The following WDPCP variants were observed in gnomAD, a reference collection of about 807,000 sequenced individuals.
WDPCP encodes WD repeat containing planar cell polarity effector, also known as WD repeat-containing and planar cell polarity effector protein fritz homolog.
In WDPCP, 71 loss-of-function variants were observed where a neutral mutation model predicts 93.1. That is an observed-to-expected ratio of 0.76 (90% confidence interval 0.63 to 0.93). WDPCP has a LOEUF of 0.93. Among genes scored for constraint, WDPCP ranks in the 40% least tolerant of loss-of-function variants. The pLI is 0.00. For synonymous variants in WDPCP, 315 were observed against 315.0 expected, an observed-to-expected ratio of 1.00 and a Z score of 0.00; for missense variants, 844 against 887.4, an observed-to-expected ratio of 0.95 and a Z score of 0.62.
At chr2:63,320,930 A>G (rs1398790527) in intron 12 of WDPCP, among the ~76,000 whole-genome samples, 6 of 152,138 alleles carry the variant, frequency 3.9e-5, no homozygotes, top group Non-Finnish European at 8.8e-5. Flanking sequence ...GCTGTTTGTA[A>G]GAAGTCCACT....
At chr2:63,563,447 T>C (rs1706783577) in intron 1 of WDPCP, among the ~76,000 whole-genome samples, 4 of 151,860 alleles carry the variant, frequency 2.6e-5, no homozygotes, top group Admixed American at 1.3e-4. Context: ...AAAAAGCCAA[T>C]AGACACATAA....
chr2:63,406,676 T>C (rs970468570), intron 9 of WDPCP, among the ~76,000 whole-genome samples: 4 of 152,218 alleles, frequency 2.6e-5, no homozygotes, highest in African/African-American at 9.6e-5. Flanking sequence ...GAAGAATTGA[T>C]AGTCATATAG....
chr2:63,387,570 G>A (rs1692845289), intron 10 of WDPCP, among the ~76,000 whole-genome samples: 1 of 152,156 alleles, frequency 6.6e-6, no homozygotes, highest in South Asian at 2.1e-4. Flanking sequence ...ACTGGAACAA[G>A]ACAAGGATGC....
intron 17 of WDPCP, among the ~76,000 whole-genome samples, chr2:63,148,722 A>C (rs1483908741): frequency 2.0e-5 from 3 of 152,184 alleles, no homozygotes; most frequent in African/African-American, 7.2e-5. Context: ...CAGAGAAAAC[A>C]GAAGAAATGG....
chr2:63,452,127 A>C (rs1279877830), intron 6 of WDPCP, among the ~76,000 whole-genome samples: 4 of 152,308 alleles, frequency 2.6e-5, no homozygotes, highest in Middle Eastern at 3.4e-3. Context: ...AAGGATATTC[A>C]ATTAGGAAAA....
At chr2:63,772,012 G>A (rs1377964100) in intron 2 of WDPCP, among the ~76,000 whole-genome samples, 2 of 151,958 alleles carry the variant, frequency 1.3e-5, no homozygotes, top group African/African-American at 4.8e-5. Flanking sequence ...GAACATATGA[G>A]TGCATGTGTC....
chr2:63,488,545 A>G (rs1351537710), intron 2 of WDPCP, among the ~76,000 whole-genome samples: 2 of 152,044 alleles, frequency 1.3e-5, no homozygotes, highest in Non-Finnish European at 2.9e-5. Flanking sequence ...GCGAAAAATC[A>G]TGAGTAGGAC....
chr2:63,159,128 C>T (rs1417609782), intron 15 of WDPCP, among the ~76,000 whole-genome samples: 1 of 151,046 alleles, frequency 6.6e-6, no homozygotes, highest in Non-Finnish European at 1.5e-5. Flanking sequence ...TGCAATCTAG[C>T]CTGTGAGACA....
At chr2:63,345,172 C>T (rs1689106887) in intron 12 of WDPCP, among the ~76,000 whole-genome samples, 1 of 152,178 alleles carries the variant, frequency 6.6e-6, no homozygotes, top group African/African-American at 2.4e-5. Flanking sequence ...TATACATCTC[C>T]AATTTCCTAT....
chr2:63,721,656 C>G (rs1261820415), intron 2 of WDPCP, among the ~76,000 whole-genome samples: 1 of 152,054 alleles, frequency 6.6e-6, no homozygotes, highest in Non-Finnish European at 1.5e-5. Flanking sequence ...TCTGGGCCTT[C>G]CAGCAAGCCA....
At chr2:63,505,396 A>G (rs1452857907) in intron 1 of WDPCP, among the ~76,000 whole-genome samples, 3 of 152,072 alleles carry the variant, frequency 2.0e-5, no homozygotes, top group South Asian at 2.1e-4. Flanking sequence ...GCCGTACTAT[A>G]TTTAACACAG....
At chr2:63,603,807 GC>G (rs1452429771) in intron 3 of WDPCP, among the ~76,000 whole-genome samples, 2 of 152,032 alleles carry the variant, frequency 1.3e-5, no homozygotes, top group African/African-American at 4.8e-5. Context: ...ACAGACATGT[GC>G]CACCAAGCCC....
intron 10 of WDPCP, 42 bp downstream of exon 10, chr2:63,404,006 T>TA (rs778149649): frequency 6.2e-7 from 1 of 1,612,438 alleles, no homozygotes; most frequent in Admixed American, 1.7e-5. Context: ...GTCACTATCC[T>TA]AAACATTTTA....
chr2:63,826,320 T>A (rs1671113354), intron 1 of WDPCP, among the ~76,000 whole-genome samples: 1 of 151,502 alleles, frequency 6.6e-6, no homozygotes, highest in Non-Finnish European at 1.5e-5. Flanking sequence ...AAAAGGCCAC[T>A]CTGCCTCGCT....
chr2:63,329,731 A>G (rs1311769371), intron 12 of WDPCP, among the ~76,000 whole-genome samples: 4 of 152,064 alleles, frequency 2.6e-5, no homozygotes, highest in Non-Finnish European at 5.9e-5. Context: ...TTTGCCTAAC[A>G]TCTCTTCTTT....
intron 1 of WDPCP, among the ~76,000 whole-genome samples, chr2:63,522,304 C>T (rs1702992003): frequency 6.6e-6 from 1 of 151,634 alleles, no homozygotes; most frequent in African/African-American, 2.4e-5. Context: ...ACACCCACAT[C>T]AAAAAGTTAA....
intron 3 of WDPCP, among the ~76,000 whole-genome samples, chr2:63,608,276 A>G (rs1385603779): frequency 3.3e-5 from 5 of 152,184 alleles, no homozygotes; most frequent in Non-Finnish European, 7.4e-5. Flanking sequence ...ACTAAATACC[A>G]CAGAAGTTTA....
rs553530881 is a variant in WDPCP at position 63,153,507 on chromosome 2, A to C, written c.2146T>G (p.Cys716Gly). The change falls in exon 16 of 18, where the codon TGT (cysteine) becomes GGT (glycine). Residue 716 changes from cysteine (C) to glycine (G), a missense_variant. Transcript: ENST00000272321. ...TGAATACCATTACCTTCTGCATTAC[A>C]GGTATTAGTCATCAAAAATCCAGAA... ...ICSGFLMTNT[C>G]NAEDGELRED... 1 of 1,611,820 alleles carries C rather than the reference A, an allele frequency of 6.2e-7. No individual in the cohort carries two copies. The highest frequency in any genetic ancestry group is 1.3e-5 in the African/African-American group (1 of 74,976).
intron 3 of WDPCP, chr2:63,643,397 G>A (rs1710006748): frequency 6.0e-6 from 2 of 334,830 alleles, no homozygotes; most frequent in Non-Finnish European, 1.2e-5. Flanking sequence ...TTGGAAAGGT[G>A]GGTGACAAAT....
Sources: allele counts gnomAD v4.1 joint callset (sites outside exome capture counted in the v4.1 genomes callset), GRCh38; gene constraint gnomAD v4.1.1; transcripts MANE v1.5; gene names NCBI Gene and HGNC (gene_info 2026-07-23, HGNC 2026-07-21).